Variants in UNC13C observed in about 807,000 individuals in gnomAD.
UNC13C encodes the protein unc-13 homolog C.
A neutral mutation model predicts 245.4 loss-of-function variants in UNC13C; 174 were observed. That is an observed-to-expected ratio of 0.71 (90% CI 0.63 to 0.80). The LOEUF is 0.80. Ranked by LOEUF, UNC13C falls within the 30% of genes least tolerant of loss-of-function variation. The probability of loss-of-function intolerance (pLI) is 0.00; values close to 1 mark genes in which losing one functional copy is unlikely to be tolerated. For synonymous variants in UNC13C, 992 were observed against 895.1 expected (o/e 1.11, Z -1.93); for missense variants, 2,829 against 2,602.9 (o/e 1.09, Z -1.89).
the UNC13C span, among the ~76,000 whole-genome samples, chr15:53,855,747 G>A: frequency 2.0e-5 from 3 of 152,116 alleles, no homozygotes; most frequent in Non-Finnish European, 4.4e-5. Context: ...TTGGCCTGAA[G>A]TTTTCTTTTT....
chr15:54,115,977 AT>A (rs35273935), intron 2 of UNC13C, among the ~76,000 whole-genome samples: 54,718 of 151,928 alleles, frequency 0.36, 11,177 homozygotes, highest in Non-Finnish European at 0.46. Context: ...TCATTGGGTT[AT>A]TTTTATAGTC....
chr15:54,177,981 C>T (rs1182773288), intron 4 of UNC13C, among the ~76,000 whole-genome samples: 1 of 151,996 alleles, frequency 6.6e-6, no homozygotes, highest in Non-Finnish European at 1.5e-5. Flanking sequence ...GAATTTATTA[C>T]TCAGAATTTT....
intron 2 of UNC13C, among the ~76,000 whole-genome samples, chr15:54,124,269 C>T (rs547826392): frequency 7.9e-5 from 12 of 152,290 alleles, no homozygotes; most frequent in Admixed American, 3.9e-4. Context: ...ACATCGTACA[C>T]GAGACCCAGT....
At chr15:54,369,824 G>C (rs887559882) in intron 17 of UNC13C, among the ~76,000 whole-genome samples, 1 of 152,040 alleles carries the variant, frequency 6.6e-6, no homozygotes, top group Non-Finnish European at 1.5e-5. Flanking sequence ...AGGGTATGTG[G>C]GCCTGTCTGT....
chr15:53,900,172 T>TA, the UNC13C span, among the ~76,000 whole-genome samples: 1 of 150,976 alleles, frequency 6.6e-6, no homozygotes, highest in African/African-American at 2.4e-5. Context: ...ACTAGAATGA[T>TA]ACCCTATGGA....
chr15:53,941,959 A>T, the UNC13C span, among the ~76,000 whole-genome samples: 35 of 152,264 alleles, frequency 2.3e-4, no homozygotes, highest in East Asian at 6.4e-3. Context: ...TGTTGGTGGG[A>T]GTGTAAATTA....
chr15:54,478,591 G>A (rs1375544410), intron 19 of UNC13C, among the ~76,000 whole-genome samples: 7 of 151,698 alleles, frequency 4.6e-5, no homozygotes, highest in Middle Eastern at 3.2e-3. Context: ...TCAGGAGCAG[G>A]TTGTTCAGTT....
chr15:53,969,294 A>G, the UNC13C span, among the ~76,000 whole-genome samples: 1 of 152,192 alleles, frequency 6.6e-6, no homozygotes, highest in African/African-American at 2.4e-5. Flanking sequence ...GTCATGCTCT[A>G]AGATGCTCAG....
intron 1 of UNC13C, among the ~76,000 whole-genome samples, chr15:53,986,363 G>A (rs552836212): frequency 6.6e-6 from 1 of 152,120 alleles, no homozygotes; most frequent in South Asian, 2.1e-4. Flanking sequence ...TCTCGATTTT[G>A]TATTACATTT....
At chr15:54,434,039 C>G (rs187207036) in intron 19 of UNC13C, among the ~76,000 whole-genome samples, 36 of 152,096 alleles carry the variant, frequency 2.4e-4, no homozygotes, top group African/African-American at 8.2e-4. Context: ...CATGAAGGAC[C>G]TCTTCAAGGA....
chr15:54,168,266 A>G (rs1042043083), intron 4 of UNC13C, among the ~76,000 whole-genome samples: 6 of 152,162 alleles, frequency 3.9e-5, no homozygotes, highest in African/African-American at 1.4e-4. Context: ...GCTGGTTTAC[A>G]TTGCTATTCT....
chr15:54,210,394 T>G (rs2034844304), intron 4 of UNC13C, among the ~76,000 whole-genome samples: 1 of 151,840 alleles, frequency 6.6e-6, no homozygotes, highest in Non-Finnish European at 1.5e-5. Flanking sequence ...ATGAGGATTG[T>G]GTGGCACAAA....
intron 2 of UNC13C, among the ~76,000 whole-genome samples, chr15:54,080,126 T>C (rs1898864329): frequency 1.3e-5 from 2 of 151,940 alleles, no homozygotes; most frequent in African/African-American, 4.8e-5. Context: ...TTACACTTAT[T>C]GATTTACATA....
At chr15:53,869,108 A>T in the UNC13C span, among the ~76,000 whole-genome samples, 6 of 152,192 alleles carry the variant, frequency 3.9e-5, no homozygotes, top group South Asian at 1.2e-3. Flanking sequence ...CTGTCTTAAA[A>T]AAAAGTCATA....
In UNC13C at chr15:54,015,387, A is replaced by C. The variant is rs772656061; in HGVS notation, c.2484A>C (p.Ser828=). 14 of 1,613,838 alleles carry C rather than the reference A, an allele frequency of 8.7e-6. No individual in the cohort carries two copies. The highest frequency in any genetic ancestry group is 1.2e-5 in the Non-Finnish European group (14 of 1,179,822). The change falls in exon 2 of 33, where the codon TCA becomes TCC. Residue 828 remains serine, a synonymous_variant. Transcript: ENST00000260323. ...SLSGYEDSGS[S]LMGRFRTLSQ... is the part of the protein sequence containing the mutation. ...GTGGGTATGAGGACAGTGGCTCTTC[A>C]TTAATGGGGAGATTTCGGACATTAT...
chr15:54,557,586 C>T (rs1052469799), intron 29 of UNC13C, among the ~76,000 whole-genome samples: 16 of 151,466 alleles, frequency 1.1e-4, no homozygotes, highest in Non-Finnish European at 2.1e-4. Flanking sequence ...CGGAGCCCAG[C>T]CAAAGGAGCA....
At chr15:53,932,164 C>T in the UNC13C span, among the ~76,000 whole-genome samples, 1 of 152,030 alleles carries the variant, frequency 6.6e-6, no homozygotes, top group Admixed American at 6.6e-5. Flanking sequence ...CAAAAATTAG[C>T]TGGGCGTGGT....
chr15:54,221,501 C>T (rs561159460), intron 4 of UNC13C, among the ~76,000 whole-genome samples: 29 of 151,606 alleles, frequency 1.9e-4, no homozygotes, highest in South Asian at 6.2e-4. Flanking sequence ...AAATACATAA[C>T]GTTAGGCAAA....
At chr15:53,873,242 T>C in the UNC13C span, among the ~76,000 whole-genome samples, 1 of 152,092 alleles carries the variant, frequency 6.6e-6, no homozygotes, top group Admixed American at 6.6e-5. Context: ...CCTTCAACTG[T>C]TGGTTCTGGG....
Sources: gnomAD v4.1 joint callset for allele counts (sites outside exome capture counted in the v4.1 genomes callset) on GRCh38, gnomAD v4.1.1 for gene constraint, MANE v1.5 for transcripts, NCBI Gene and HGNC (gene_info 2026-07-23, HGNC 2026-07-21) for gene names.